NCAPH: variants seen among roughly 807,000 people sequenced by gnomAD.
NCAPH encodes non-SMC condensin I complex subunit H.
NCAPH carries 38 observed loss-of-function variants against 85.5 expected under a neutral mutation model. The ratio of observed to expected loss-of-function variants is 0.44; its 90% CI spans 0.34 to 0.58. NCAPH has a LOEUF of 0.58. Ranked by LOEUF, NCAPH falls within the 20% of genes least tolerant of loss-of-function variation. The pLI is 0.01. For missense variants in NCAPH, 789 were observed against 916.6 expected (o/e 0.86, Z 1.80); for synonymous variants, 301 against 335.1 (o/e 0.90, Z 1.11).
chr2:96,340,274 A>G (rs1479956205), intron 1 of NCAPH, among the ~76,000 whole-genome samples: 5 of 151,558 alleles, frequency 3.3e-5, no homozygotes, highest in Admixed American at 3.3e-4. Context: ...AATACCCTCT[A>G]CATGCTGATG....
At position 96,343,441 on chromosome 2, in the gene NCAPH, T is replaced by C. The variant is rs1400737115; in HGVS notation, c.595+137T>C. On this transcript the variant is annotated intron_variant, in intron 5 of 17. Coordinates refer to ENST00000240423, the MANE Select transcript of NCAPH (RefSeq NM_015341.5). ...AAGACAGGGCATTTTTAGAACCATA[T>C]ATGGTCTTACGTGAGAAGATACTCA... 7 of 1,059,944 alleles carry C rather than the reference T, an allele frequency of 6.6e-6. No individual in the cohort carries two copies. In the East Asian group the frequency reaches 1.6e-4, roughly 25 times the overall value. The allele number at this position is 1,059,944 out of a possible 1,614,324, so 65.7% of individuals were successfully genotyped here. A position where few individuals can be genotyped will look rare whatever the true frequency, so the allele number is the denominator to read the frequency against.
intron 1 of NCAPH, among the ~76,000 whole-genome samples, chr2:96,337,941 T>C (rs879147489): frequency 6.6e-6 from 1 of 152,010 alleles, no homozygotes; most frequent in Middle Eastern, 3.4e-3. Context: ...CTTTTTTTTT[T>C]TCTGAGACAG....
chr2:96,345,500 C>G (rs1481662188), intron 6 of NCAPH, among the ~76,000 whole-genome samples: 1 of 152,244 alleles, frequency 6.6e-6, no homozygotes. Context: ...GGGTGACGCT[C>G]TCCTAACATG....
At chr2:96,354,940 T>C (rs1388066742) in intron 9 of NCAPH, among the ~76,000 whole-genome samples, 1 of 152,148 alleles carries the variant, frequency 6.6e-6, no homozygotes, top group African/African-American at 2.4e-5. Context: ...ACATTGCTTA[T>C]AGTGTGGCTG....
chr2:96,346,077 C>T (rs1047498671), intron 6 of NCAPH, among the ~76,000 whole-genome samples: 1 of 152,092 alleles, frequency 6.6e-6, no homozygotes, highest in African/African-American at 2.4e-5. Context: ...GATGATGCAG[C>T]AGAAAGGAGA....
chr2:96,372,417 G>A (rs1455143092), intron 17 of NCAPH, among the ~76,000 whole-genome samples: 4 of 152,102 alleles, frequency 2.6e-5, no homozygotes, highest in Non-Finnish European at 5.9e-5. Flanking sequence ...CATGGTTGGG[G>A]TTAATATAGT....
At chr2:96,361,828 A>ATTTTT (rs67427447) in intron 12 of NCAPH, among the ~76,000 whole-genome samples, 1 of 108,022 alleles carries the variant, frequency 9.3e-6, no homozygotes, top group African/African-American at 4.2e-5. Context: ...ATATATATAT[A>ATTTTT]TTTTTTTTTT....
chr2:96,364,954 G>A (rs1199542448), intron 13 of NCAPH, among the ~76,000 whole-genome samples: 1 of 152,124 alleles, frequency 6.6e-6, no homozygotes, highest in East Asian at 1.9e-4. Flanking sequence ...TTTTGGCCAG[G>A]TAGACAACCA....
intron 9 of NCAPH, among the ~76,000 whole-genome samples, chr2:96,357,214 G>A (rs1187719419): frequency 6.6e-6 from 1 of 152,220 alleles, no homozygotes; most frequent in Non-Finnish European, 1.5e-5. Context: ...CCAGTGTTAG[G>A]ACAGTGGATT....
Position 96,335,841 on chromosome 2 carries a change from C to A in NCAPH, c.12C>A (p.Pro4=). Residue 4 remains proline, a synonymous_variant, in exon 1 of 18, where the codon CCC becomes CCA. Coordinates refer to ENST00000240423, the MANE Select transcript of NCAPH (RefSeq NM_015341.5). ...GACGCCAAGGAAAGATGGGACCTCC[C>A]GGCCCAGGTGAGCCGGGCGGTCGGG... MGP[P]GPALPATMNN... The A allele has an allele frequency of 6.7e-7, 1 of 1,494,702 alleles. No homozygotes were observed. The highest frequency in any genetic ancestry group is 8.9e-7 in the Non-Finnish European group (1 of 1,125,494). 92.6% of individuals were successfully genotyped at this position (1,494,702 alleles called of 1,614,324 possible).
intron 6 of NCAPH, among the ~76,000 whole-genome samples, chr2:96,348,888 G>GATCT (rs1286271216): frequency 6.6e-6 from 1 of 151,826 alleles, no homozygotes; most frequent in Non-Finnish European, 1.5e-5. Context: ...GATCTCAAGT[G>GATCT]ATCTACCCAC....
At chr2:96,368,692 CT>C (rs891135897) in intron 15 of NCAPH, among the ~76,000 whole-genome samples, 6 of 151,864 alleles carry the variant, frequency 4.0e-5, no homozygotes, top group Non-Finnish European at 7.4e-5. Flanking sequence ...TTTATTACTG[CT>C]TTTTTTTCTT....
chr2:96,341,480 A>G, intron 1 of NCAPH, 162 bp from the exon 2 acceptor site: 1 of 968,916 alleles, frequency 1.0e-6, no homozygotes, highest in Non-Finnish European at 1.5e-6. Context: ...CTGCACCTCC[A>G]AGAAACCCAA....
chr2:96,361,828 ATTTTT>A (rs67427447), intron 12 of NCAPH, among the ~76,000 whole-genome samples: 9 of 108,018 alleles, frequency 8.3e-5, no homozygotes, highest in South Asian at 6.0e-4. Flanking sequence ...ATATATATAT[ATTTTT>A]TTTTTTTTTT....
rs763814148 is a variant in NCAPH, at chr2:96,341,681, G to T, written c.59G>T (p.Arg20Leu). 6.2e-7 allele frequency: 1 copy of T among 1,614,112 alleles called. No individual in the cohort carries two copies. The highest frequency in any genetic ancestry group is 1.7e-5 in the Admixed American group (1 of 60,018). ...ATMNNSSSET[R>L]GHPHSASSPS... ...ATGAATAACTCTTCTTCAGAGACGC[G>T]AGGACACCCCCACAGTGCCTCCTCT... The change falls in exon 2 of 18, where the codon CGA becomes CTA. Residue 20 changes from arginine to leucine, a missense_variant. By Grantham distance (102) the Arg-to-Leu change is moderately radical. Coordinates refer to ENST00000240423, the MANE Select transcript of NCAPH (RefSeq NM_015341.5).
intron 5 of NCAPH, among the ~76,000 whole-genome samples, chr2:96,343,557 T>G (rs560156315): frequency 6.6e-6 from 1 of 152,354 alleles, no homozygotes; most frequent in South Asian, 2.1e-4. Flanking sequence ...CATCACCAAC[T>G]AAGGAACTTC....
chr2:96,368,845 A>T, intron 15 of NCAPH, 127 bp from the exon 16 acceptor site: 1 of 798,178 alleles, frequency 1.3e-6, no homozygotes, highest in Non-Finnish European at 1.9e-6. Context: ...TTTTTCTTCA[A>T]AATAACTAAG....
At chr2:96,367,726 C>G (rs2064719562) in intron 15 of NCAPH, among the ~76,000 whole-genome samples, 1 of 152,212 alleles carries the variant, frequency 6.6e-6, no homozygotes, top group Non-Finnish European at 1.5e-5. Context: ...TACAAGTAGG[C>G]AGGTCACACA....
rs1268102789 is a variant in NCAPH at position 96,361,804 on chromosome 2, G to GTATATACATATATA, written c.1587+1095_1587+1096insATATACATATATAT. The stretch of plus-strand genomic sequence containing the variant: ...TATACACATATATATGTATATATAT[G>GTATATACATATATA]TGTATATATATATATATATATATAT... On this transcript the variant is annotated intron_variant, in intron 12 of 17. Transcript: ENST00000240423. Among the ~76,000 whole-genome samples, 95 of 74,668 alleles carry GTATATACATATATA rather than the reference G, an allele frequency of 1.3e-3. 3 individuals carry two copies. The East Asian group carries it at 0.034, about 27-fold the overall frequency. The allele number at this position is 74,668 out of a possible 152,430, so 49.0% of individuals were successfully genotyped here.
Sources: gnomAD v4.1 joint callset for allele counts (sites outside exome capture counted in the v4.1 genomes callset) on GRCh38, gnomAD v4.1.1 for gene constraint, MANE v1.5 for transcripts, NCBI Gene and HGNC (gene_info 2026-07-23, HGNC 2026-07-21) for gene names.